Variants in GALNT1 observed in about 807,000 individuals in gnomAD.
GALNT1 encodes the protein polypeptide N-acetylgalactosaminyltransferase 1.
Under a neutral mutation model 65.7 loss-of-function variants are expected in GALNT1, and 17 were observed. The observed-to-expected ratio is 0.26, with a 90% confidence interval of 0.18 to 0.39. The LOEUF is 0.39. GALNT1 is among the 10% of genes least tolerant of loss of function. The probability of loss-of-function intolerance (pLI) is 1.00; values close to 1 mark genes in which losing one functional copy is unlikely to be tolerated. For missense variants in GALNT1, 460 were observed against 672.8 expected (o/e 0.68, Z 3.50); for synonymous variants, 210 against 219.7 (o/e 0.96, Z 0.39).
At chr18:35,631,183 A>C (rs2047003135) in intron 1 of GALNT1, among the ~76,000 whole-genome samples, 2 of 152,198 alleles carry the variant, frequency 1.3e-5, no homozygotes, top group South Asian at 4.1e-4. Flanking sequence ...AAAAGAGGGA[A>C]TCCTCCCTAA....
rs1179434093 is a variant in GALNT1 at position 35,581,782 on chromosome 18, G to GCCCC, written c.-183_-182insCCCC. The GCCCC allele has an allele frequency of 3.2e-3, 1 of 312 alleles. No homozygotes were observed. The highest frequency in any genetic ancestry group is 0.042 in the Admixed American group (1 of 24). The allele number at this position is 312 out of a possible 1,614,324, so 0.0% of individuals were successfully genotyped here. On this transcript the variant is annotated 5_prime_UTR_variant, in exon 1 of 12. Coordinates refer to ENST00000269195, the MANE Select transcript of GALNT1 (RefSeq NM_020474.4). ...CGGCGGACGGCGGCCCGAGAGTAGC[G>GCCCC]CGCTGGCCGCGGGACCGGCCGCGAC... is the stretch of plus-strand genomic sequence containing the variant.
chr18:35,676,693 G>A (rs560277486), intron 3 of GALNT1, among the ~76,000 whole-genome samples: 2 of 152,250 alleles, frequency 1.3e-5, no homozygotes, highest in South Asian at 2.1e-4. Context: ...TGTTAGAATC[G>A]GGGATACCTG....
At chr18:35,585,525 G>A (rs2046369600) in intron 1 of GALNT1, among the ~76,000 whole-genome samples, 1 of 152,098 alleles carries the variant, frequency 6.6e-6, no homozygotes, top group South Asian at 2.1e-4. Context: ...TAAAGCTATA[G>A]TACAATTTCC....
chr18:35,594,537 A>G (rs1367202698), intron 1 of GALNT1, among the ~76,000 whole-genome samples: 1 of 152,196 alleles, frequency 6.6e-6, no homozygotes, highest in East Asian at 1.9e-4. Context: ...TTCTAATGCC[A>G]CTATCCTAGA....
chr18:35,631,968 A>G (rs2047018368), intron 1 of GALNT1, among the ~76,000 whole-genome samples: 1 of 152,238 alleles, frequency 6.6e-6, no homozygotes, highest in Non-Finnish European at 1.5e-5. Context: ...AAGAGAATAA[A>G]ATACCTAGGA....
chr18:35,634,663 A>G (rs1246903546), intron 1 of GALNT1, among the ~76,000 whole-genome samples: 1 of 152,242 alleles, frequency 6.6e-6, no homozygotes, highest in African/African-American at 2.4e-5. Context: ...GAGTCTGGTC[A>G]TGTAGGCATC....
Position 35,669,724 on chromosome 18 carries a change from A to G in GALNT1, c.314+5922A>G, listed in dbSNP as rs76996039. On this transcript the variant is annotated intron_variant, in intron 3 of 11. Transcript: ENST00000269195. ...GAAAAACAAAACCCTCCCAGCAAAT[A>G]TCTATATTTAATAATAATGTTGTAA... Among the ~76,000 whole-genome samples, 273 of 152,268 alleles carry G rather than the reference A, an allele frequency of 1.8e-3. 2 individuals carry two copies. In the East Asian group the frequency reaches 0.042, roughly 23 times the overall value.
At chr18:35,635,602 G>C (rs1239698164) in intron 1 of GALNT1, among the ~76,000 whole-genome samples, 2 of 152,136 alleles carry the variant, frequency 1.3e-5, no homozygotes, top group African/African-American at 4.8e-5. Context: ...TCATACAGTT[G>C]AAATACTGTT....
intron 1 of GALNT1, among the ~76,000 whole-genome samples, chr18:35,636,824 T>G: frequency 6.7e-6 from 1 of 149,528 alleles, no homozygotes. Context: ...AATGGAAAGT[T>G]TGTGGCAACC....
chr18:35,601,306 G>C (rs947771491), intron 1 of GALNT1, among the ~76,000 whole-genome samples: 1 of 151,786 alleles, frequency 6.6e-6, no homozygotes, highest in Non-Finnish European at 1.5e-5. Flanking sequence ...TTTCAGTTTT[G>C]ATTTTATTTA....
At chr18:35,706,015 C>T (rs2048252466) in intron 11 of GALNT1, among the ~76,000 whole-genome samples, 1 of 152,082 alleles carries the variant, frequency 6.6e-6, no homozygotes, top group African/African-American at 2.4e-5. Context: ...GTCTTATGGA[C>T]CAGAACATCC....
chr18:35,601,220 A>C (rs1406980584), intron 1 of GALNT1, among the ~76,000 whole-genome samples: 1 of 151,812 alleles, frequency 6.6e-6, no homozygotes, highest in Non-Finnish European at 1.5e-5. Flanking sequence ...AGGTTTTCCA[A>C]TTTTTTGGTG....
rs527334449 is a variant in GALNT1, at chr18:35,634,770, A to G, written c.-103-19790A>G. 3.7e-4 allele frequency among the ~76,000 whole-genome samples: 57 copies of G among 152,312 alleles called. No homozygotes were observed. In the Middle Eastern group the frequency reaches 0.01, roughly 27 times the overall value. ...TGTTTGTAAAGTTTAGGCACAGTGA[A>G]TCACGCTTATCATTTAGGAAAAGTT... On this transcript the variant is annotated intron_variant, in intron 1 of 11. Transcript: ENST00000269195.
intron 1 of GALNT1, among the ~76,000 whole-genome samples, chr18:35,634,804 A>G (rs924797599): frequency 2.6e-5 from 4 of 152,180 alleles, no homozygotes; most frequent in East Asian, 1.9e-4. Flanking sequence ...TTTTATATCA[A>G]TGTAGGGAAC....
intron 1 of GALNT1, chr18:35,597,605 A>G (rs907280724): frequency 2.6e-5 from 4 of 152,502 alleles, no homozygotes; most frequent in Non-Finnish European, 5.9e-5. Context: ...GGCAGCTTGT[A>G]TGAACTGACC....
intron 4 of GALNT1, among the ~76,000 whole-genome samples, chr18:35,681,059 ATTC>A (rs1210029997): frequency 6.6e-6 from 1 of 152,102 alleles, no homozygotes; most frequent in Non-Finnish European, 1.5e-5. Context: ...TGAATTCTTT[ATTC>A]TTCCCTTTAT....
At chr18:35,677,903 TA>T (rs2144574878) in intron 4 of GALNT1, 146 bp downstream of exon 4, 2 of 574,492 alleles carry the variant, frequency 3.5e-6, no homozygotes, top group East Asian at 6.0e-5. Flanking sequence ...TTCACATATG[TA>T]AAAAAGTACA....
chr18:35,684,404 G>A (rs1257243542), intron 5 of GALNT1, among the ~76,000 whole-genome samples: 1 of 151,970 alleles, frequency 6.6e-6, no homozygotes, highest in African/African-American at 2.4e-5. Context: ...CAATCAATGG[G>A]AAAGTAGAGC....
At chr18:35,646,956 T>C (rs1323184575) in intron 1 of GALNT1, among the ~76,000 whole-genome samples, 1 of 152,230 alleles carries the variant, frequency 6.6e-6, no homozygotes, top group African/African-American at 2.4e-5. Flanking sequence ...TGGTCCTTTT[T>C]CACTGGTCCC....
Sources: allele counts gnomAD v4.1 joint callset (sites outside exome capture counted in the v4.1 genomes callset), GRCh38; gene constraint gnomAD v4.1.1; transcripts MANE v1.5; gene names NCBI Gene and HGNC (gene_info 2026-07-23, HGNC 2026-07-21).